The following DGKI variants were observed in gnomAD, a reference collection of about 807,000 sequenced individuals.
DGKI encodes diacylglycerol kinase iota.
In DGKI, 55 loss-of-function variants were observed where a neutral mutation model predicts 147.5. The ratio of observed to expected loss-of-function variants is 0.37; its 90% CI spans 0.30 to 0.47. The LOEUF is 0.47. Among genes scored for constraint, DGKI ranks in the 20% least tolerant of loss-of-function variants. DGKI has a pLI of 1.00. For missense variants in DGKI, 1,007 were observed against 1,323.8 expected (o/e 0.76, Z 3.71); for synonymous variants, 469 against 477.1 (o/e 0.98, Z 0.22).
At chr7:137,811,363 C>CT (rs1797567594) in intron 1 of DGKI, among the ~76,000 whole-genome samples, 2 of 110,910 alleles carry the variant, frequency 1.8e-5, no homozygotes, top group African/African-American at 3.3e-5. Context: ...CTCTCTCTCT[C>CT]CCTCTCTCTC....
intron 1 of DGKI, among the ~76,000 whole-genome samples, chr7:137,838,193 C>A (rs568207526): frequency 6.6e-6 from 1 of 151,784 alleles, no homozygotes; most frequent in African/African-American, 2.4e-5. Flanking sequence ...TTAGTAAAGA[C>A]GGGGTTTTAC....
chr7:137,729,107 A>G (rs1794796253), intron 1 of DGKI, among the ~76,000 whole-genome samples: 2 of 141,842 alleles, frequency 1.4e-5, no homozygotes, highest in Admixed American at 1.4e-4. Flanking sequence ...AGAATCATTG[A>G]GAAAAAACAG....
intron 1 of DGKI, 94 bp from the exon 2 acceptor site, chr7:137,690,096 G>A: frequency 1.4e-6 from 1 of 738,814 alleles, no homozygotes; most frequent in Non-Finnish European, 2.1e-6. Flanking sequence ...TAGAAACAAT[G>A]CCTGAGTTAG....
intron 30 of DGKI, among the ~76,000 whole-genome samples, chr7:137,400,833 C>T (rs1395966324): frequency 6.6e-6 from 1 of 152,180 alleles, no homozygotes; most frequent in Non-Finnish European, 1.5e-5. Flanking sequence ...CTTATTCTCC[C>T]ATCAACATAG....
chr7:137,622,383 C>A (rs1820780206), intron 7 of DGKI, among the ~76,000 whole-genome samples: 1 of 152,064 alleles, frequency 6.6e-6, no homozygotes, highest in African/African-American at 2.4e-5. Flanking sequence ...ACCAAGACAC[C>A]ACAGCCTTTT....
chr7:137,790,758 AC>A (rs1314133675), intron 1 of DGKI, among the ~76,000 whole-genome samples: 3 of 152,148 alleles, frequency 2.0e-5, no homozygotes, highest in Non-Finnish European at 4.4e-5. Context: ...GCACTTAATG[AC>A]TGTATTATCA....
chr7:137,499,722 G>C (rs1234911074), intron 21 of DGKI, among the ~76,000 whole-genome samples: 1 of 152,042 alleles, frequency 6.6e-6, no homozygotes, highest in African/African-American at 2.4e-5. Context: ...TCAGGTCTTT[G>C]GGCTTGCACT....
chr7:137,676,766 T>C (rs1823051922), intron 3 of DGKI, among the ~76,000 whole-genome samples: 1 of 152,200 alleles, frequency 6.6e-6, no homozygotes. Flanking sequence ...CTAAAGGTAT[T>C]AGTGAACAAG....
chr7:137,813,844 C>G (rs1387825797), intron 1 of DGKI, among the ~76,000 whole-genome samples: 1 of 152,116 alleles, frequency 6.6e-6, no homozygotes, highest in African/African-American at 2.4e-5. Flanking sequence ...ATGCAGCTTC[C>G]TGGTTCAGGA....
chr7:137,783,569 G>A (rs991510090), intron 1 of DGKI, among the ~76,000 whole-genome samples: 2 of 152,236 alleles, frequency 1.3e-5, no homozygotes, highest in African/African-American at 2.4e-5. Context: ...GAATAATGGA[G>A]GAAAACTTCC....
chr7:137,651,612 G>A (rs889268101), intron 5 of DGKI, among the ~76,000 whole-genome samples: 9 of 152,202 alleles, frequency 5.9e-5, no homozygotes, highest in African/African-American at 2.2e-4. Context: ...GTTAGGAGTT[G>A]TCAGCCCACA....
At chr7:137,434,231 T>A (rs1813194546) in intron 28 of DGKI, among the ~76,000 whole-genome samples, 1 of 152,164 alleles carries the variant, frequency 6.6e-6, no homozygotes, top group Non-Finnish European at 1.5e-5. Flanking sequence ...TTAACTTAAA[T>A]ATTCTATAAC....
At chr7:137,743,029 C>T (rs995229155) in intron 1 of DGKI, among the ~76,000 whole-genome samples, 1 of 152,036 alleles carries the variant, frequency 6.6e-6, no homozygotes, top group Non-Finnish European at 1.5e-5. Flanking sequence ...TAAAAAAGGA[C>T]AAAGAAGGAC....
chr7:137,688,399 G>C (rs1194003690), intron 2 of DGKI, among the ~76,000 whole-genome samples: 1 of 152,100 alleles, frequency 6.6e-6, no homozygotes, highest in Admixed American at 6.6e-5. Flanking sequence ...TGTCACATTC[G>C]ATCCTAACAA....
rs834080 is a variant in DGKI, at chr7:137,531,922, G to A, written c.2148-9956C>T. 5.3e-3 allele frequency among the ~76,000 whole-genome samples: 810 copies of A among 151,930 alleles called. 8 individuals are homozygous for A. Among genetic ancestry groups the A allele is most frequent in the African/African-American group, 0.019 (770 of 41,416 alleles). Reference sequence around the variant, plus strand: ...CTCTAGTAACTCTAAGCACTTTAACGAATTAATTAGTGATATTTGAGTGTC... The same window carrying A: ...CTCTAGTAACTCTAAGCACTTTAACAAATTAATTAGTGATATTTGAGTGTC... On this transcript the variant is annotated intron_variant, in intron 20 of 32. Coordinates refer to ENST00000614521, the MANE Select transcript of DGKI (RefSeq NM_001321708.2).
rs59337903 is a variant in DGKI, at chr7:137,463,630, C to T, written c.2613-19G>A. The T allele has an allele frequency of 1.9e-6, 3 of 1,611,962 alleles. No individual in the cohort carries two copies. The highest frequency in any genetic ancestry group is 2.2e-5 in the East Asian group (1 of 44,842). On this transcript the variant is annotated intron_variant, in intron 26 of 32. Transcript: ENST00000614521. ...TGAGATCCTGAGAGAAAGAAGGGCA[C>T]CAGACAGTTAAACATTCAAAGTCAG...
At chr7:137,450,861 AC>A (rs1223465687) in intron 27 of DGKI, among the ~76,000 whole-genome samples, 1 of 151,882 alleles carries the variant, frequency 6.6e-6, no homozygotes, top group Non-Finnish European at 1.5e-5. Context: ...TGGTGAAAGT[AC>A]CCTTCCCAAT....
At chr7:137,746,914 G>C (rs1242198720) in intron 1 of DGKI, among the ~76,000 whole-genome samples, 1 of 152,130 alleles carries the variant, frequency 6.6e-6, no homozygotes, top group Non-Finnish European at 1.5e-5. Flanking sequence ...CAAAACATCA[G>C]AGTTAGCCTG....
At chr7:137,724,733 T>C (rs975670848) in intron 1 of DGKI, among the ~76,000 whole-genome samples, 3 of 152,082 alleles carry the variant, frequency 2.0e-5, no homozygotes, top group African/African-American at 4.8e-5. Context: ...GAGTTTAAGA[T>C]GCCTACAAGA....
Sources: gnomAD v4.1 joint callset for allele counts (sites outside exome capture counted in the v4.1 genomes callset) on GRCh38, gnomAD v4.1.1 for gene constraint, MANE v1.5 for transcripts, NCBI Gene and HGNC (gene_info 2026-07-23, HGNC 2026-07-21) for gene names.